The following FRMD4A variants were observed in gnomAD, a reference collection of about 807,000 sequenced individuals.
FRMD4A encodes the protein FERM domain-containing protein 4A.
Under a neutral mutation model 129.1 loss-of-function variants are expected in FRMD4A, and 29 were observed. The ratio of observed to expected loss-of-function variants is 0.22; its 90% confidence interval spans 0.17 to 0.31. The LOEUF is 0.31. Among genes scored for constraint, FRMD4A ranks in the 10% least tolerant of loss-of-function variants. The pLI, the probability that FRMD4A is intolerant of heterozygous loss-of-function variation, is 1.00. For synonymous variants in FRMD4A, 634 were observed against 571.6 expected (o/e 1.11, Z -1.56); for missense variants, 1,272 against 1,375.8 (o/e 0.92, Z 1.19).
intron 2 of FRMD4A, among the ~76,000 whole-genome samples, chr10:14,127,094 A>AAACAAAC (rs1345971805): frequency 2.6e-5 from 4 of 152,198 alleles, no homozygotes; most frequent in African/African-American, 9.7e-5. Context: ...CCCAGGTGTG[A>AAACAAAC]TCCAAGAGCT....
At chr10:13,799,368 G>T (rs1451699225) in intron 4 of FRMD4A, among the ~76,000 whole-genome samples, 1 of 152,122 alleles carries the variant, frequency 6.6e-6, no homozygotes, top group Non-Finnish European at 1.5e-5. Context: ...GTGTTGCCCA[G>T]GCTGGTCACA....
intron 2 of FRMD4A, among the ~76,000 whole-genome samples, chr10:14,109,857 A>G (rs1837792050): frequency 6.6e-6 from 1 of 151,870 alleles, no homozygotes. Context: ...CTGTAATCCC[A>G]GCGACTCAGG....
chr10:13,750,779 G>T (rs2091580137), intron 8 of FRMD4A, among the ~76,000 whole-genome samples: 1 of 152,128 alleles, frequency 6.6e-6, no homozygotes, highest in Non-Finnish European at 1.5e-5. Context: ...CAGACAGCAG[G>T]ACAGCACCTG....
intron 3 of FRMD4A, among the ~76,000 whole-genome samples, chr10:13,817,170 C>T (rs1418151345): frequency 3.9e-5 from 6 of 152,208 alleles, no homozygotes; most frequent in Non-Finnish European, 8.8e-5. Flanking sequence ...ACCAACTGGG[C>T]TTAGAAACCT....
At chr10:13,766,901 C>T (rs543822633) in intron 6 of FRMD4A, among the ~76,000 whole-genome samples, 10 of 152,228 alleles carry the variant, frequency 6.6e-5, no homozygotes, top group East Asian at 1.9e-4. Flanking sequence ...GGTGAAACCC[C>T]GTCTCTACTA....
intron 2 of FRMD4A, chr10:14,007,145 A>G (rs576723789): frequency 7.2e-5 from 11 of 152,274 alleles, no homozygotes; most frequent in African/African-American, 2.4e-4. Context: ...CGGATAGCTG[A>G]TCTAACAAGA....
At chr10:13,834,430 C>G (rs1000808987) in intron 3 of FRMD4A, among the ~76,000 whole-genome samples, 1 of 152,158 alleles carries the variant, frequency 6.6e-6, no homozygotes, top group Non-Finnish European at 1.5e-5. Flanking sequence ...ACCCGGCCTG[C>G]AGACATGAGC....
intron 2 of FRMD4A, among the ~76,000 whole-genome samples, chr10:14,094,972 G>C (rs1836871444): frequency 6.6e-6 from 1 of 152,000 alleles, no homozygotes; most frequent in South Asian, 2.1e-4. Flanking sequence ...GAGTGTGGGG[G>C]GGAACCAAGA....
intron 2 of FRMD4A, among the ~76,000 whole-genome samples, chr10:14,188,739 T>A (rs991283191): frequency 6.6e-6 from 1 of 152,156 alleles, no homozygotes; most frequent in African/African-American, 2.4e-5. Flanking sequence ...ACCCCGTCCC[T>A]ACGAAAAATC....
rs775190701 is a variant in FRMD4A at position 13,783,026 on chromosome 10, C to T, written c.300-20G>A. 15 of 925,546 alleles carry T rather than the reference C, an allele frequency of 1.6e-5. No individual in the cohort carries two copies. Among genetic ancestry groups the T allele is most frequent in the South Asian group, 1.6e-4 (12 of 77,158 alleles). The allele number at this position is 925,546 out of a possible 1,614,324, so 57.3% of individuals were successfully genotyped here. On this transcript the variant is annotated intron_variant, in intron 5 of 24. Transcript: ENST00000357447. ...TAGAACCTGAAAGAGAAAAATGGTG[C>T]GTGAACCACAGAAACAGCAGGTGCA... is the stretch of plus-strand genomic sequence containing the variant.
intron 2 of FRMD4A, among the ~76,000 whole-genome samples, chr10:14,025,817 G>A (rs1273552192): frequency 6.6e-6 from 1 of 152,124 alleles, no homozygotes; most frequent in African/African-American, 2.4e-5. Flanking sequence ...ATTTCACTTA[G>A]TGTAATGTCC....
intron 2 of FRMD4A, among the ~76,000 whole-genome samples, chr10:14,163,538 A>T (rs529965028): frequency 6.6e-6 from 1 of 152,040 alleles, no homozygotes; most frequent in African/African-American, 2.4e-5. Context: ...TTGCTGGTGG[A>T]CTCTTTGTTA....
At chr10:13,969,918 T>C (rs964270698) in intron 2 of FRMD4A, among the ~76,000 whole-genome samples, 3 of 152,138 alleles carry the variant, frequency 2.0e-5, no homozygotes, top group African/African-American at 7.2e-5. Context: ...GCTTCAAAAC[T>C]CATTTGTAAT....
chr10:14,152,122 T>C (rs1188536882), intron 2 of FRMD4A, among the ~76,000 whole-genome samples: 1 of 122,264 alleles, frequency 8.2e-6, no homozygotes, highest in Non-Finnish European at 1.7e-5. Flanking sequence ...TAGTGCTTTT[T>C]TTTTTTTTTT....
intron 2 of FRMD4A, among the ~76,000 whole-genome samples, chr10:13,877,157 T>C (rs928582172): frequency 1.3e-5 from 2 of 152,176 alleles, no homozygotes; most frequent in Non-Finnish European, 2.9e-5. Context: ...AAAATAGTAT[T>C]CTAGACCACC....
intron 2 of FRMD4A, among the ~76,000 whole-genome samples, chr10:14,157,413 G>A (rs542074318): frequency 1.9e-4 from 29 of 152,348 alleles, no homozygotes; most frequent in Non-Finnish European, 3.2e-4. Flanking sequence ...ATTTGGTAGA[G>A]TGGAAGCGGA....
chr10:14,262,361 C>T (rs147875162), intron 2 of FRMD4A, among the ~76,000 whole-genome samples: 1 of 152,290 alleles, frequency 6.6e-6, no homozygotes, highest in African/African-American at 2.4e-5. Context: ...ATGCCAACTT[C>T]ATGAGGTTAT....
intron 2 of FRMD4A, chr10:14,008,350 G>C: frequency 9.7e-7 from 1 of 1,028,368 alleles, no homozygotes; most frequent in Non-Finnish European, 1.2e-6. Context: ...GAGGGGGGAT[G>C]GGAAGAAAGA....
chr10:13,794,211 G>A (rs958785422), intron 5 of FRMD4A, among the ~76,000 whole-genome samples: 2 of 152,004 alleles, frequency 1.3e-5, no homozygotes, highest in African/African-American at 4.8e-5. Flanking sequence ...GACCAACATG[G>A]TGAAACACGG....
Sources: allele counts gnomAD v4.1 joint callset (sites outside exome capture counted in the v4.1 genomes callset), GRCh38; gene constraint gnomAD v4.1.1; transcripts MANE v1.5; gene names NCBI Gene and HGNC (gene_info 2026-07-23, HGNC 2026-07-21).